Variants in PDZRN4 observed in about 807,000 individuals in gnomAD.
PDZRN4 encodes the protein PDZ domain containing ring finger 4.
Under a neutral mutation model 99.0 loss-of-function variants are expected in PDZRN4, and 70 were observed. That is an observed-to-expected ratio of 0.71 (90% CI 0.58 to 0.86). The LOEUF (loss-of-function observed/expected upper bound fraction) is 0.86, where lower values mean the gene tolerates loss of function less well. PDZRN4 is among the 40% of genes least tolerant of loss of function. The pLI, the probability that PDZRN4 is intolerant of heterozygous loss-of-function variation, is 0.00. For synonymous variants in PDZRN4, 551 were observed against 501.6 expected, an observed-to-expected ratio of 1.10 and a Z score of -1.32; for missense variants, 1,474 against 1,331.2, an observed-to-expected ratio of 1.11 and a Z score of -1.67.
intron 1 of PDZRN4, 107 bp downstream of exon 1, chr12:41,189,210 C>A: frequency 9.5e-7 from 1 of 1,049,592 alleles, no homozygotes; most frequent in South Asian, 1.5e-5. Context: ...TCCTTCCTCA[C>A]TATGCAGCAG....
chr12:41,364,508 T>C (rs1215718641), intron 3 of PDZRN4, among the ~76,000 whole-genome samples: 1 of 152,260 alleles, frequency 6.6e-6, no homozygotes. Flanking sequence ...TAAGAGTACA[T>C]AACTCTTTGA....
intron 3 of PDZRN4, among the ~76,000 whole-genome samples, chr12:41,505,729 G>A (rs970316758): frequency 6.6e-6 from 1 of 151,804 alleles, no homozygotes; most frequent in Non-Finnish European, 1.5e-5. Flanking sequence ...GTCATGAATT[G>A]GTAGAAATTA....
Position 41,224,988 on chromosome 12 carries a change from A to G in PDZRN4, c.843+30800A>G, listed in dbSNP as rs573241119. ...AGCATAAATCATAATACCTGGCCTG[A>G]AAAATAAAAATAGAATACTTAAAGA... On this transcript the variant is annotated intron_variant, in intron 3 of 9. Coordinates refer to ENST00000402685, the MANE Select transcript of PDZRN4 (RefSeq NM_001164595.2). 2.0e-5 allele frequency among the ~76,000 whole-genome samples: 3 copies of G among 152,262 alleles called. No homozygotes were observed. The South Asian group carries it at 6.2e-4, about 32-fold the overall frequency.
At chr12:41,531,247 G>A (rs1802863805) in intron 5 of PDZRN4, among the ~76,000 whole-genome samples, 1 of 152,090 alleles carries the variant, frequency 6.6e-6, no homozygotes, top group African/African-American at 2.4e-5. Context: ...GAGCCAGAAG[G>A]GAGATGATTT....
At position 41,522,431 on chromosome 12, in the gene PDZRN4, T is replaced by A. The variant is rs557383482; in HGVS notation, c.1203+12518T>A. Among the ~76,000 whole-genome samples the A allele has an allele frequency of 1.9e-4, 29 of 152,236 alleles. 1 individual carries two copies. Among genetic ancestry groups the A allele is most frequent in the African/African-American group, 6.7e-4 (28 of 41,572 alleles). ...GCTTTTAGATTTATTCACCTTAACATATTTTTTTGGAATGCATTCTCATGC... is the reference window on the plus strand; with the variant it reads ...GCTTTTAGATTTATTCACCTTAACAAATTTTTTTGGAATGCATTCTCATGC... On this transcript the variant is annotated intron_variant, in intron 5 of 9. Transcript: ENST00000402685.
intron 3 of PDZRN4, among the ~76,000 whole-genome samples, chr12:41,389,156 C>G (rs1051754606): frequency 6.6e-6 from 1 of 152,044 alleles, no homozygotes; most frequent in Non-Finnish European, 1.5e-5. Context: ...AATTTTGACT[C>G]CTTTTAAAAT....
In PDZRN4 at chr12:41,555,727, C is replaced by A. The variant is rs746718521; in HGVS notation, c.1332C>A (p.Asp444Glu). The change falls in exon 7 of 10, where the codon GAC becomes GAA. Residue 444 changes from aspartate to glutamate, a missense_variant. Asp to Glu is a conservative substitution (Grantham distance 45). Transcript: ENST00000402685. ...EVDPNSIAAKDGRIREGDRIL... is the reference protein window; with the variant it reads ...EVDPNSIAAKEGRIREGDRIL... ...ACCCAAATAGCATTGCTGCCAAAGA[C>A]GGCCGGATTCGAGAAGGGGATCGGA... 3 of 1,613,972 alleles carry A rather than the reference C, an allele frequency of 1.9e-6. No homozygotes were observed. The highest frequency in any genetic ancestry group is 2.5e-6 in the Non-Finnish European group (3 of 1,179,914).
chr12:41,311,736 C>T (rs1951608239), intron 3 of PDZRN4, among the ~76,000 whole-genome samples: 1 of 152,056 alleles, frequency 6.6e-6, no homozygotes, highest in Non-Finnish European at 1.5e-5. Flanking sequence ...GTTATTGATG[C>T]TCTGTAGAAA....
At chr12:41,324,530 T>A (rs1342800887) in intron 3 of PDZRN4, among the ~76,000 whole-genome samples, 1 of 152,118 alleles carries the variant, frequency 6.6e-6, no homozygotes, top group Non-Finnish European at 1.5e-5. Context: ...AATAGCAATA[T>A]TTTTCGTTTA....
chr12:41,330,230 T>G (rs569800887), intron 3 of PDZRN4, among the ~76,000 whole-genome samples: 59 of 152,256 alleles, frequency 3.9e-4, no homozygotes, highest in African/African-American at 1.2e-3. Flanking sequence ...AAACCATTGA[T>G]AACCCATGTT....
chr12:41,398,960 T>C (rs1379478878), intron 3 of PDZRN4, among the ~76,000 whole-genome samples: 2 of 152,128 alleles, frequency 1.3e-5, no homozygotes, highest in African/African-American at 4.8e-5. Context: ...CTGTACAAAT[T>C]CATTTGTAAA....
chr12:41,302,532 C>T (rs187496094), intron 3 of PDZRN4, among the ~76,000 whole-genome samples: 42 of 152,272 alleles, frequency 2.8e-4, no homozygotes, highest in African/African-American at 9.9e-4. Flanking sequence ...TTGAGAACCA[C>T]ATGCTCTTTA....
chr12:41,480,796 G>C (rs775849913), intron 3 of PDZRN4, among the ~76,000 whole-genome samples: 1 of 152,046 alleles, frequency 6.6e-6, no homozygotes, highest in East Asian at 1.9e-4. Context: ...ACTCAAATGT[G>C]AGTCTAGGTG....
intron 3 of PDZRN4, among the ~76,000 whole-genome samples, chr12:41,287,258 G>C (rs1951427941): frequency 6.6e-6 from 1 of 152,204 alleles, no homozygotes; most frequent in Admixed American, 6.5e-5. Context: ...GGTTCTGCTA[G>C]AGGCATAGCC....
chr12:41,226,096 C>G (rs1039912806), intron 3 of PDZRN4, among the ~76,000 whole-genome samples: 6 of 151,302 alleles, frequency 4.0e-5, no homozygotes, highest in Non-Finnish European at 8.8e-5. Flanking sequence ...TTTTTTTTAA[C>G]ACAAAGCCCT....
At chr12:41,240,173 G>A (rs189126035) in intron 3 of PDZRN4, among the ~76,000 whole-genome samples, 5 of 152,254 alleles carry the variant, frequency 3.3e-5, no homozygotes, top group Non-Finnish European at 2.9e-5. Context: ...TACATTAATT[G>A]TAAGCATTTG....
chr12:41,253,466 C>T lies in PDZRN4; in HGVS notation c.843+59278C>T, dbSNP rs116293934. ...AATCATCTCACTCCAGTTAAAATGG[C>T]TTCTATCAAAAAAACAGACAATAAC... On this transcript the variant is annotated intron_variant, in intron 3 of 9. Transcript: ENST00000402685. Among the ~76,000 whole-genome samples the T allele has an allele frequency of 5.5e-3, 833 of 152,232 alleles. 6 individuals carry two copies. Among genetic ancestry groups the T allele is most frequent in the African/African-American group, 0.019 (806 of 41,548 alleles).
chr12:41,267,806 A>G (rs1951289065), intron 3 of PDZRN4, among the ~76,000 whole-genome samples: 1 of 152,146 alleles, frequency 6.6e-6, no homozygotes, highest in Admixed American at 6.6e-5. Context: ...TCACCACTGC[A>G]CTCCAGTCTG....
intron 3 of PDZRN4, among the ~76,000 whole-genome samples, chr12:41,216,536 T>C (rs1241899706): frequency 6.6e-6 from 1 of 152,024 alleles, no homozygotes; most frequent in Non-Finnish European, 1.5e-5. Flanking sequence ...AGGAAAAACT[T>C]TGAGTATCTT....
Sources: allele counts gnomAD v4.1 joint callset (sites outside exome capture counted in the v4.1 genomes callset), GRCh38; gene constraint gnomAD v4.1.1; transcripts MANE v1.5; gene names NCBI Gene and HGNC (gene_info 2026-07-23, HGNC 2026-07-21).